Variants in PKP4 observed in about 807,000 individuals in gnomAD.
PKP4 encodes the protein plakophilin 4.
Under a neutral mutation model 145.1 loss-of-function variants are expected in PKP4, and 90 were observed. The observed-to-expected ratio is 0.62, with a 90% CI of 0.52 to 0.74. The LOEUF (loss-of-function observed/expected upper bound fraction) is 0.74. Among genes scored for constraint, PKP4 ranks in the 30% least tolerant of loss-of-function variants. The probability of loss-of-function intolerance (pLI) is 0.00; values close to 1 mark genes in which losing one functional copy is unlikely to be tolerated. For missense variants in PKP4, 1,340 were observed against 1,482.7 expected (o/e 0.90, Z 1.58); for synonymous variants, 563 against 577.2 (o/e 0.98, Z 0.35).
intron 3 of PKP4, among the ~76,000 whole-genome samples, chr2:158,592,621 T>C (rs186449279): frequency 6.2e-4 from 94 of 152,240 alleles, no homozygotes; most frequent in African/African-American, 2.2e-3. Flanking sequence ...AAATTAAAAA[T>C]CTTTACTCTG....
At chr2:158,603,005 G>T in intron 3 of PKP4, 65 bp from the exon 4 acceptor site, 1 of 897,904 alleles carries the variant, frequency 1.1e-6, no homozygotes, top group Non-Finnish European at 1.7e-6. Context: ...ATGCAAAACA[G>T]GTCCTAAGCT....
At chr2:158,610,902 A>G (rs189546824) in intron 4 of PKP4, among the ~76,000 whole-genome samples, 167 of 152,322 alleles carry the variant, frequency 1.1e-3, no homozygotes, top group African/African-American at 3.8e-3. Context: ...CCCACCAGCC[A>G]GCCAGCCAAG....
intron 13 of PKP4, chr2:158,662,141 G>A (rs967947013): frequency 6.6e-6 from 1 of 152,492 alleles, no homozygotes; most frequent in East Asian, 1.9e-4. Context: ...GAGGCCATTG[G>A]AAGGTGTTGG....
At chr2:158,586,110 T>G (rs977747277) in intron 3 of PKP4, among the ~76,000 whole-genome samples, 8 of 152,194 alleles carry the variant, frequency 5.3e-5, no homozygotes, top group African/African-American at 1.9e-4. Flanking sequence ...TACTTCATCT[T>G]TTTTTATTTC....
intron 2 of PKP4, among the ~76,000 whole-genome samples, chr2:158,536,109 C>T (rs1030131441): frequency 2.0e-5 from 3 of 152,200 alleles, no homozygotes; most frequent in Non-Finnish European, 1.5e-5. Context: ...AGTGGTTCTA[C>T]TTGTAACCAT....
rs111399252 is a variant in PKP4, at chr2:158,646,875, A to G, written c.1909+4176A>G. ...TTACCTGGTGGGGTTAAGTCTGGAC[A>G]ACAAGGTTATCCAGAAAGCAGCAAG... On this transcript the variant is annotated intron_variant, in intron 11 of 21. Coordinates refer to ENST00000389759, the MANE Select transcript of PKP4 (RefSeq NM_003628.6). 1.9e-3 allele frequency among the ~76,000 whole-genome samples: 296 copies of G among 152,300 alleles called. 2 individuals carry two copies. The highest frequency in any genetic ancestry group is 6.8e-3 in the African/African-American group (284 of 41,540).
intron 2 of PKP4, among the ~76,000 whole-genome samples, chr2:158,542,526 T>A (rs2044609883): frequency 6.6e-6 from 1 of 152,222 alleles, no homozygotes; most frequent in African/African-American, 2.4e-5. Context: ...TGATGTGGAA[T>A]AATTTATCTA....
intron 1 of PKP4, among the ~76,000 whole-genome samples, chr2:158,477,663 C>G (rs996992628): frequency 6.6e-6 from 1 of 152,138 alleles, no homozygotes; most frequent in African/African-American, 2.4e-5. Context: ...AGTCCAATTT[C>G]CTGGCAACAA....
At chr2:158,647,438 G>C (rs2054937833) in intron 11 of PKP4, among the ~76,000 whole-genome samples, 1 of 151,882 alleles carries the variant, frequency 6.6e-6, no homozygotes, top group Non-Finnish European at 1.5e-5. Flanking sequence ...AGTTCCCTTT[G>C]TTTCAGTTTG....
intron 17 of PKP4, among the ~76,000 whole-genome samples, chr2:158,671,722 C>G (rs1056238085): frequency 2.0e-5 from 3 of 152,244 alleles, no homozygotes; most frequent in Non-Finnish European, 1.5e-5. Flanking sequence ...AGCTTACGTT[C>G]CATGGGTGAG....
At chr2:158,597,033 T>C (rs1192273547) in intron 3 of PKP4, among the ~76,000 whole-genome samples, 1 of 152,160 alleles carries the variant, frequency 6.6e-6, no homozygotes, top group Non-Finnish European at 1.5e-5. Context: ...CTTCACACTT[T>C]TGTTTGTGAT....
intron 11 of PKP4, among the ~76,000 whole-genome samples, chr2:158,648,887 A>G (rs989140245): frequency 2.6e-5 from 3 of 114,428 alleles, no homozygotes; most frequent in South Asian, 4.0e-4. Context: ...TAATCCAGCT[A>G]CTAGAGAGTC....
chr2:158,613,597 A>G (rs1294430143), intron 4 of PKP4, among the ~76,000 whole-genome samples: 1 of 152,088 alleles, frequency 6.6e-6, no homozygotes, highest in Non-Finnish European at 1.5e-5. Flanking sequence ...ATTCCACCCA[A>G]TTTTCAACCC....
At chr2:158,604,819 G>C (rs544035776) in intron 4 of PKP4, among the ~76,000 whole-genome samples, 1 of 152,158 alleles carries the variant, frequency 6.6e-6, no homozygotes, top group Admixed American at 6.5e-5. Context: ...CTGTTAAACC[G>C]ATAGGTCCAT....
At chr2:158,620,592 G>C (rs1362517284) in intron 4 of PKP4, among the ~76,000 whole-genome samples, 3 of 152,178 alleles carry the variant, frequency 2.0e-5, no homozygotes, top group Non-Finnish European at 4.4e-5. Flanking sequence ...TCAATAATAT[G>C]AACGTTGTGT....
At chr2:158,617,682 C>T (rs1250201772) in intron 4 of PKP4, among the ~76,000 whole-genome samples, 2 of 152,148 alleles carry the variant, frequency 1.3e-5, no homozygotes, top group Non-Finnish European at 2.9e-5. Context: ...GAAGATGTGT[C>T]TTCTGTTTAC....
chr2:158,491,834 C>T (rs2105466418), intron 1 of PKP4, among the ~76,000 whole-genome samples: 1 of 152,090 alleles, frequency 6.6e-6, no homozygotes, highest in South Asian at 2.1e-4. Context: ...CTCACTCTGT[C>T]ACCCAGGCTG....
chr2:158,664,836 G>C (rs2056931978), intron 15 of PKP4, among the ~76,000 whole-genome samples: 1 of 152,196 alleles, frequency 6.6e-6, no homozygotes, highest in South Asian at 2.1e-4. Context: ...TTATAAAGTG[G>C]TTATGAGGAT....
chr2:158,666,484 G>A lies in PKP4; in HGVS notation c.2649G>A (p.Met883Ile). 1.9e-6 allele frequency: 3 copies of A among 1,613,562 alleles called. No individual in the cohort carries two copies. The highest frequency in any genetic ancestry group is 2.5e-6 in the Non-Finnish European group (3 of 1,179,746). ...CCATCCTTGTGGAGCTTCTGAGAAT[G>A]GATAACGATAGAGTTGTTTCTTCCG... ...GLPILVELLR[M>I]DNDRVVSSVA... Residue 883 changes from methionine to isoleucine, a missense_variant, in exon 16 of 22, where the codon ATG becomes ATA. Physicochemically the swap from Met to Ile is conservative, Grantham distance 10. Coordinates refer to ENST00000389759, the MANE Select transcript of PKP4 (RefSeq NM_003628.6).
Sources: allele counts gnomAD v4.1 joint callset (sites outside exome capture counted in the v4.1 genomes callset), GRCh38; gene constraint gnomAD v4.1.1; transcripts MANE v1.5; gene names NCBI Gene and HGNC (gene_info 2026-07-23, HGNC 2026-07-21).